The following MAST4 variants were observed in gnomAD, a reference collection of about 807,000 sequenced individuals.
MAST4 encodes the protein microtubule associated serine/threonine kinase family member 4, also known as microtubule-associated serine/threonine-protein kinase 4.
MAST4 carries 89 observed loss-of-function variants against 162.7 expected under a neutral mutation model. That is an observed-to-expected ratio of 0.55 (90% confidence interval 0.46 to 0.65). MAST4 has a LOEUF of 0.65. Ranked by LOEUF, MAST4 falls within the 30% of genes least tolerant of loss-of-function variation. The probability of loss-of-function intolerance (pLI) is 0.00; values close to 1 mark genes in which losing one functional copy is unlikely to be tolerated. For missense variants in MAST4, 3,153 were observed against 3,374.0 expected, an observed-to-expected ratio of 0.93 and a Z score of 1.62; for synonymous variants, 1,479 against 1,361.1, an observed-to-expected ratio of 1.09 and a Z score of -1.91.
intron 3 of MAST4, among the ~76,000 whole-genome samples, chr5:66,876,745 G>A (rs541574287): frequency 1.1e-4 from 16 of 152,288 alleles, no homozygotes; most frequent in African/African-American, 3.4e-4. Context: ...TGTATGAGGC[G>A]TGTACCCAGG....
chr5:66,949,000 T>C (rs1744364278), intron 4 of MAST4, among the ~76,000 whole-genome samples: 1 of 152,090 alleles, frequency 6.6e-6, no homozygotes, highest in African/African-American at 2.4e-5. Flanking sequence ...TATATATATA[T>C]TAGATATACA....
In MAST4 at chr5:66,596,895, G is replaced by A. The variant is rs1742213012; in HGVS notation, c.240G>A (p.Ala80=). Residue 80 remains alanine, a synonymous_variant, in exon 1 of 29, where the codon GCG becomes GCA. Coordinates refer to ENST00000403625, the MANE Select transcript of MAST4 (RefSeq NM_001164664.2). ...CCCTGGGCGCCCGGGCGCCCGCCGC[G>A]TGGGCTCCGGCAAGCGTGCTGCTGG... is the stretch of plus-strand genomic sequence containing the variant. The part of the protein sequence containing the change: ...GGTLGARAPA[A]WAPASVLLER... The A allele has an allele frequency of 3.1e-6, 4 of 1,283,282 alleles. No individual in the cohort carries two copies. Among genetic ancestry groups the A allele is most frequent in the Non-Finnish European group, 3.9e-6 (4 of 1,012,968 alleles). The allele number at this position is 1,283,282 out of a possible 1,614,324, so 79.5% of individuals were successfully genotyped here.
At chr5:66,618,681 A>G (rs953153872) in intron 1 of MAST4, among the ~76,000 whole-genome samples, 2 of 151,566 alleles carry the variant, frequency 1.3e-5, no homozygotes, top group African/African-American at 4.8e-5. Context: ...TACCCTGATC[A>G]CTTTTGAGTG....
intron 4 of MAST4, among the ~76,000 whole-genome samples, chr5:66,965,182 T>A (rs1413378254): frequency 6.6e-6 from 1 of 150,380 alleles, no homozygotes; most frequent in Non-Finnish European, 1.5e-5. Context: ...CCCCTGAATT[T>A]AATAGGTCCT....
At chr5:66,946,273 T>C (rs746809063) in intron 4 of MAST4, among the ~76,000 whole-genome samples, 1 of 152,148 alleles carries the variant, frequency 6.6e-6, no homozygotes, top group Non-Finnish European at 1.5e-5. Context: ...TCTTTAACTC[T>C]TTTTGTTGCT....
chr5:67,149,315 C>T, intron 23 of MAST4, 74 bp from the exon 24 acceptor site: 1 of 1,353,616 alleles, frequency 7.4e-7, no homozygotes, highest in Non-Finnish European at 1.0e-6. Context: ...TTCCTGCTGT[C>T]TCTCTCTTCC....
chr5:67,146,636 A>T (rs185049486), intron 23 of MAST4, among the ~76,000 whole-genome samples: 9 of 152,190 alleles, frequency 5.9e-5, no homozygotes, highest in African/African-American at 2.2e-4. Context: ...TATGGGCTGG[A>T]TTTATTTCAA....
chr5:67,116,187 T>C (rs1766888511), intron 12 of MAST4, among the ~76,000 whole-genome samples: 1 of 151,722 alleles, frequency 6.6e-6, no homozygotes, highest in South Asian at 2.1e-4. Context: ...TAGTTTTGTT[T>C]GTTTGTTTGT....
At chr5:67,053,340 T>C (rs6871467) in intron 4 of MAST4, among the ~76,000 whole-genome samples, 4,221 of 152,296 alleles carry the variant, frequency 0.028, 164 homozygotes, top group African/African-American at 0.084. Flanking sequence ...AAATTAGAAG[T>C]CCAGTGAAAA....
chr5:67,060,882 A>G (rs1335248331), intron 5 of MAST4, among the ~76,000 whole-genome samples: 3 of 152,224 alleles, frequency 2.0e-5, no homozygotes, highest in African/African-American at 7.2e-5. Flanking sequence ...ATTTTGGCAC[A>G]TAATGCCAAC....
At chr5:66,695,176 A>G (rs1351059002) in intron 1 of MAST4, among the ~76,000 whole-genome samples, 1 of 152,136 alleles carries the variant, frequency 6.6e-6, no homozygotes, top group East Asian at 1.9e-4. Context: ...TCTGTAATCC[A>G]TCTTGAGTTA....
At chr5:66,667,288 G>A (rs1747322107) in intron 1 of MAST4, among the ~76,000 whole-genome samples, 1 of 152,144 alleles carries the variant, frequency 6.6e-6, no homozygotes, top group Non-Finnish European at 1.5e-5. Flanking sequence ...TGATTCATTA[G>A]TTGCTCTTCT....
chr5:67,107,270 CAG>C (rs933856330), intron 10 of MAST4, among the ~76,000 whole-genome samples: 2 of 152,312 alleles, frequency 1.3e-5, no homozygotes, highest in African/African-American at 4.8e-5. Flanking sequence ...GTTTCTGTGA[CAG>C]ACACTGCAGA....
At chr5:67,020,364 A>G (rs1753817344) in intron 4 of MAST4, among the ~76,000 whole-genome samples, 1 of 152,210 alleles carries the variant, frequency 6.6e-6, no homozygotes, top group African/African-American at 2.4e-5. Flanking sequence ...GCATGACCAC[A>G]TTATATCCTT....
intron 4 of MAST4, among the ~76,000 whole-genome samples, chr5:66,931,424 A>T (rs1164624151): frequency 6.6e-6 from 1 of 152,024 alleles, no homozygotes; most frequent in Non-Finnish European, 1.5e-5. Context: ...GAATTTCTGT[A>T]CTGGGTTTGT....
At chr5:67,099,702 G>A (rs1764818918) in intron 7 of MAST4, among the ~76,000 whole-genome samples, 3 of 152,006 alleles carry the variant, frequency 2.0e-5, no homozygotes, top group South Asian at 4.2e-4. Flanking sequence ...TTAAAAGCAG[G>A]GTTATTTAGC....
At chr5:66,836,198 A>G (rs1757958123) in intron 3 of MAST4, among the ~76,000 whole-genome samples, 1 of 152,124 alleles carries the variant, frequency 6.6e-6, no homozygotes, top group Non-Finnish European at 1.5e-5. Context: ...GCTTTTGACA[A>G]GTATTTAATG....
At chr5:67,038,561 A>C (rs1756325660) in intron 4 of MAST4, among the ~76,000 whole-genome samples, 1 of 152,184 alleles carries the variant, frequency 6.6e-6, no homozygotes, top group Admixed American at 6.5e-5. Context: ...GATGGTGTTG[A>C]TGGAGTGGAG....
At chr5:66,919,615 C>T (rs185423474) in intron 4 of MAST4, among the ~76,000 whole-genome samples, 9 of 143,058 alleles carry the variant, frequency 6.3e-5, no homozygotes, top group South Asian at 2.2e-4. Flanking sequence ...GAGCTGAGAT[C>T]GTCACTGCAC....
Sources: gnomAD v4.1 joint callset for allele counts (sites outside exome capture counted in the v4.1 genomes callset) on GRCh38, gnomAD v4.1.1 for gene constraint, MANE v1.5 for transcripts, NCBI Gene and HGNC (gene_info 2026-07-23, HGNC 2026-07-21) for gene names.